Variants in CSMD2 observed in about 807,000 individuals in gnomAD.
CSMD2 encodes the protein CUB and Sushi multiple domains 2.
In CSMD2, 130 loss-of-function variants were observed where a neutral mutation model predicts 398.5. That is an observed-to-expected ratio of 0.33 (90% CI 0.28 to 0.38). The LOEUF is 0.38. Among genes scored for constraint, CSMD2 ranks in the 10% least tolerant of loss-of-function variants. The probability of loss-of-function intolerance (pLI) is 1.00; values close to 1 mark genes in which losing one functional copy is unlikely to be tolerated. For synonymous variants in CSMD2, 1,828 were observed against 1,908.5 expected, an observed-to-expected ratio of 0.96 and a Z score of 1.10; for missense variants, 3,829 against 4,764.9, an observed-to-expected ratio of 0.80 and a Z score of 5.78.
At chr1:33,792,329 T>C in intron 11 of CSMD2, 94 bp downstream of exon 11, 6 of 812,074 alleles carry the variant, frequency 7.4e-6, no homozygotes, top group South Asian at 4.2e-5. Context: ...TTTGCTGTAG[T>C]ATGGTCTAGG....
chr1:34,106,400 C>G (rs1660531344), intron 1 of CSMD2, among the ~76,000 whole-genome samples: 1 of 152,186 alleles, frequency 6.6e-6, no homozygotes, highest in African/African-American at 2.4e-5. Context: ...CCACCCTCAT[C>G]ATATTACAGG....
At chr1:34,070,157 C>T (rs1304640253) in intron 2 of CSMD2, among the ~76,000 whole-genome samples, 1 of 152,184 alleles carries the variant, frequency 6.6e-6, no homozygotes, top group Admixed American at 6.5e-5. Context: ...AAATAATTTG[C>T]CACTTTGAGG....
intron 12 of CSMD2, among the ~76,000 whole-genome samples, chr1:33,776,036 C>T (rs563533225): frequency 8.5e-5 from 13 of 152,142 alleles, no homozygotes; most frequent in Non-Finnish European, 1.8e-4. Context: ...GGGCCAATAC[C>T]AAACAGGAGA....
At chr1:33,953,930 G>A (rs1007389822) in intron 3 of CSMD2, among the ~76,000 whole-genome samples, 1 of 152,116 alleles carries the variant, frequency 6.6e-6, no homozygotes, top group Non-Finnish European at 1.5e-5. Context: ...CAGTACCACT[G>A]CCCAGTGATT....
chr1:33,688,001 TC>T (rs980059797), intron 25 of CSMD2, among the ~76,000 whole-genome samples: 59 of 152,330 alleles, frequency 3.9e-4, no homozygotes, highest in African/African-American at 1.3e-3. Flanking sequence ...TAGCAGGCCT[TC>T]CCATAGACTT....
intron 5 of CSMD2, among the ~76,000 whole-genome samples, chr1:33,889,097 A>G (rs1289298939): frequency 2.0e-5 from 3 of 152,196 alleles, no homozygotes; most frequent in African/African-American, 7.2e-5. Context: ...ACACACACAC[A>G]CAAAATAAAA....
chr1:33,830,288 G>A (rs7536696), intron 6 of CSMD2, among the ~76,000 whole-genome samples: 119,476 of 152,062 alleles, frequency 0.79, 47,784 homozygotes, highest in East Asian at 0.94. Flanking sequence ...CACCTCACAC[G>A]GCCGGGTACT....
intron 1 of CSMD2, among the ~76,000 whole-genome samples, chr1:34,115,315 C>A (rs1661502422): frequency 6.6e-6 from 1 of 151,982 alleles, no homozygotes; most frequent in Non-Finnish European, 1.5e-5. Context: ...AAGTTAAAGA[C>A]AAGGAAGGAA....
At chr1:33,987,357 C>A (rs576974532) in intron 3 of CSMD2, among the ~76,000 whole-genome samples, 1 of 152,080 alleles carries the variant, frequency 6.6e-6, no homozygotes, top group Non-Finnish European at 1.5e-5. Flanking sequence ...CCGCATAATA[C>A]CCCAGAAGGT....
chr1:33,726,483 C>T (rs529375243), intron 16 of CSMD2, 64 bp downstream of exon 16: 25 of 1,536,486 alleles, frequency 1.6e-5, no homozygotes, highest in Middle Eastern at 3.8e-4. Context: ...CCTGCATTCC[C>T]TCCCACGTGG....
intron 3 of CSMD2, among the ~76,000 whole-genome samples, chr1:34,027,945 T>C (rs1649888547): frequency 6.6e-6 from 1 of 152,200 alleles, no homozygotes; most frequent in African/African-American, 2.4e-5. Flanking sequence ...GGGCGAGGGC[T>C]CCTGGGGCCT....
intron 2 of CSMD2, among the ~76,000 whole-genome samples, chr1:34,034,086 A>G (rs1333198095): frequency 6.6e-6 from 1 of 152,148 alleles, no homozygotes; most frequent in Non-Finnish European, 1.5e-5. Flanking sequence ...AAATGTATAC[A>G]TAAAATAATG....
chr1:34,142,410 A>G (rs1639385763), intron 1 of CSMD2, among the ~76,000 whole-genome samples: 1 of 152,122 alleles, frequency 6.6e-6, no homozygotes, highest in South Asian at 2.1e-4. Flanking sequence ...AGGAGACGCA[A>G]GTCCTGAAAT....
rs1570957453 is a variant in CSMD2 at position 33,616,925 on chromosome 1, G to A, written c.5997C>T (p.Tyr1999=). The A allele has an allele frequency of 1.2e-6, 2 of 1,614,150 alleles. No individual in the cohort carries two copies. The highest frequency in any genetic ancestry group is 1.7e-6 in the Non-Finnish European group (2 of 1,179,974). The change falls in exon 39 of 71, where the codon TAC becomes TAT. Residue 1999 remains tyrosine (Y), a synonymous_variant. Transcript: ENST00000373381. ...TCTTACCAATACAGAGTGGAGGAGG[G>A]TAGTTCCATCGCCGCACTGTTCCGG... ...CMPGTVRRWN[Y]PPPLCIAQCG...
At chr1:33,856,613 C>A (rs1639115159) in intron 5 of CSMD2, among the ~76,000 whole-genome samples, 1 of 152,132 alleles carries the variant, frequency 6.6e-6, no homozygotes, top group Non-Finnish European at 1.5e-5. Flanking sequence ...CACTTAACTG[C>A]CACTCTGAGT....
intron 28 of CSMD2, among the ~76,000 whole-genome samples, chr1:33,650,318 A>T (rs1643686807): frequency 6.6e-6 from 1 of 152,244 alleles, no homozygotes; most frequent in Non-Finnish European, 1.5e-5. Flanking sequence ...GCAGAGCAGA[A>T]ACACAAAGCA....
Position 33,546,027 on chromosome 1 carries a change from C to T in CSMD2, c.9100+10G>A, listed in dbSNP as rs750588071. 1 of 1,605,992 alleles carries T rather than the reference C, an allele frequency of 6.2e-7. No homozygotes were observed. The highest frequency in any genetic ancestry group is 8.5e-7 in the Non-Finnish European group (1 of 1,174,280). On this transcript the variant is annotated intron_variant, in intron 57 of 70. Transcript: ENST00000373381. ...GCAAAGGGGAGAAGCAGAATGGTCA[C>T]ATACATTACCTCCACACTCAGGCTG...
At chr1:34,033,849 G>C (rs1422035282) in intron 2 of CSMD2, among the ~76,000 whole-genome samples, 1 of 152,204 alleles carries the variant, frequency 6.6e-6, no homozygotes, top group African/African-American at 2.4e-5. Flanking sequence ...TTTGTTAACA[G>C]ACACTGTGAA....
intron 13 of CSMD2, among the ~76,000 whole-genome samples, chr1:33,760,241 C>T (rs751494236): frequency 4.5e-4 from 68 of 152,206 alleles, no homozygotes; most frequent in Non-Finnish European, 8.7e-4. Flanking sequence ...GCCTTTAGGC[C>T]CTCTTCATTG....
Sources: allele counts gnomAD v4.1 joint callset (sites outside exome capture counted in the v4.1 genomes callset), GRCh38; gene constraint gnomAD v4.1.1; transcripts MANE v1.5; gene names NCBI Gene and HGNC (gene_info 2026-07-23, HGNC 2026-07-21).